Variants in ARHGAP20 observed in about 807,000 individuals in gnomAD.
The protein encoded by ARHGAP20 is rho GTPase-activating protein 20.
In ARHGAP20, 34 loss-of-function variants were observed where a neutral mutation model predicts 73.7. The observed-to-expected ratio is 0.46, with a 90% CI of 0.35 to 0.61. The LOEUF (loss-of-function observed/expected upper bound fraction) is 0.61, where lower values mean the gene tolerates loss of function less well. Ranked by LOEUF, ARHGAP20 falls within the 20% of genes least tolerant of loss-of-function variation. ARHGAP20 has a pLI of 0.00. For synonymous variants in ARHGAP20, 523 were observed against 518.2 expected (o/e 1.01, Z -0.13); for missense variants, 1,314 against 1,420.9 (o/e 0.92, Z 1.21).
At chr11:110,628,822 T>C (rs959353902) in intron 3 of ARHGAP20, among the ~76,000 whole-genome samples, 1 of 152,124 alleles carries the variant, frequency 6.6e-6, no homozygotes, top group African/African-American at 2.4e-5. Context: ...AAAAGTCAGC[T>C]ACAGAAGCAG....
In ARHGAP20 at chr11:110,577,465, T is replaced by TAACA. The variant is rs1006812665; in HGVS notation, c.*1901_*1904dup. Reference sequence around the variant, plus strand: ...ATTGGGTGAATGATTTTTTACCTGCTAACATGAAAAAAAAAAAAAAGGCAA... The same window carrying TAACA: ...ATTGGGTGAATGATTTTTTACCTGCTAACAAACATGAAAAAAAAAAAAAAGGCAA... On this transcript the variant is annotated 3_prime_UTR_variant, in exon 15 of 15. Coordinates refer to ENST00000683387, the MANE Select transcript of ARHGAP20 (RefSeq NM_001384657.1). 5.0e-6 allele frequency: 5 copies of TAACA among 997,716 alleles called. No homozygotes were observed. In the African/African-American group the frequency reaches 8.0e-5, roughly 16 times the overall value. The allele number at this position is 997,716 out of a possible 1,614,324, so 61.8% of individuals were successfully genotyped here.
chr11:110,582,494 T>C (rs1947500123), intron 13 of ARHGAP20, 59 bp from the exon 14 acceptor site: 3 of 1,134,592 alleles, frequency 2.6e-6, no homozygotes, highest in Admixed American at 1.9e-5. Context: ...ATAAATCACA[T>C]TTCATATATA....
At chr11:110,590,595 C>T in intron 11 of ARHGAP20, 53 bp downstream of exon 11, 4 of 1,482,144 alleles carry the variant, frequency 2.7e-6, no homozygotes, top group South Asian at 1.4e-5. Context: ...AGTAAAACAC[C>T]CTCTTTCTCT....
chr11:110,684,258 T>C (rs2135100975), intron 2 of ARHGAP20, among the ~76,000 whole-genome samples: 1 of 152,264 alleles, frequency 6.6e-6, no homozygotes, highest in African/African-American at 2.4e-5. Flanking sequence ...AGAGTATATA[T>C]ACAGAAGTCT....
intron 9 of ARHGAP20, among the ~76,000 whole-genome samples, chr11:110,596,164 C>G (rs879087035): frequency 6.6e-6 from 1 of 151,846 alleles, no homozygotes; most frequent in Admixed American, 6.6e-5. Flanking sequence ...TAAAGACTTA[C>G]ATGTTAGACC....
chr11:110,675,866 AAC>A (rs1308321552), intron 2 of ARHGAP20, among the ~76,000 whole-genome samples: 1 of 152,158 alleles, frequency 6.6e-6, no homozygotes, highest in African/African-American at 2.4e-5. Context: ...CCTTAATTAT[AAC>A]ACTTATAGTC....
Position 110,689,578 on chromosome 11 carries a change from C to T in ARHGAP20, c.188+969G>A, listed in dbSNP as rs1386501809. ...CAATTTCAACACATTATGAAAGACT[C>T]TTAAAATGTCTATTGAAATGTTACA... On this transcript the variant is annotated intron_variant, in intron 2 of 14. Transcript: ENST00000683387. Among the ~76,000 whole-genome samples, 4 of 152,068 alleles carry T rather than the reference C, an allele frequency of 2.6e-5. No homozygotes were observed. The East Asian group carries it at 5.8e-4, about 22-fold the overall frequency.
intron 2 of ARHGAP20, among the ~76,000 whole-genome samples, chr11:110,669,924 A>T (rs1949795445): frequency 6.6e-6 from 1 of 152,170 alleles, no homozygotes; most frequent in Admixed American, 6.5e-5. Context: ...CTACTAACAC[A>T]TAAAAGAAAT....
At chr11:110,657,301 A>G (rs548805821) in intron 2 of ARHGAP20, among the ~76,000 whole-genome samples, 3 of 152,324 alleles carry the variant, frequency 2.0e-5, no homozygotes, top group East Asian at 1.9e-4. Flanking sequence ...TGGAGTTATC[A>G]GGACAAGAGA....
intron 8 of ARHGAP20, among the ~76,000 whole-genome samples, chr11:110,607,149 G>T (rs1016716774): frequency 6.6e-6 from 1 of 152,026 alleles, no homozygotes; most frequent in Non-Finnish European, 1.5e-5. Flanking sequence ...TCAAATCTAT[G>T]ATTTAAAATA....
intron 2 of ARHGAP20, among the ~76,000 whole-genome samples, chr11:110,632,201 G>C (rs1034616945): frequency 6.6e-6 from 1 of 152,126 alleles, no homozygotes; most frequent in Non-Finnish European, 1.5e-5. Context: ...AAATACCTCA[G>C]AGTGGAATTG....
intron 9 of ARHGAP20, among the ~76,000 whole-genome samples, chr11:110,594,035 T>C (rs1947893380): frequency 6.6e-6 from 1 of 152,260 alleles, no homozygotes; most frequent in Non-Finnish European, 1.5e-5. Context: ...AGCAGTCTTG[T>C]CATTTCAGTG....
rs552121817 is a variant in ARHGAP20 at position 110,632,743 on chromosome 11, T to C, written c.189-1951A>G. On this transcript the variant is annotated intron_variant, in intron 2 of 14. Transcript: ENST00000683387. Reference sequence around the variant, plus strand: ...TAATTTGCATTTCTCTGCTAATTTCTTTCACGTTCTTACTGGCCATTTGCA... The same window carrying C: ...TAATTTGCATTTCTCTGCTAATTTCCTTCACGTTCTTACTGGCCATTTGCA... 2.6e-5 allele frequency among the ~76,000 whole-genome samples: 4 copies of C among 152,328 alleles called. No individual in the cohort carries two copies. The South Asian group carries it at 8.3e-4, about 32-fold the overall frequency.
chr11:110,672,547 C>T (rs980724793), intron 2 of ARHGAP20, among the ~76,000 whole-genome samples: 9 of 152,016 alleles, frequency 5.9e-5, no homozygotes, highest in Admixed American at 4.6e-4. Context: ...CATGTTCAAA[C>T]GATTCTCCCA....
At chr11:110,643,990 T>C (rs1949130342) in intron 2 of ARHGAP20, among the ~76,000 whole-genome samples, 1 of 152,118 alleles carries the variant, frequency 6.6e-6, no homozygotes, top group African/African-American at 2.4e-5. Context: ...TTGAACCCTT[T>C]ATCATTATAG....
At chr11:110,645,402 C>G (rs1406407793) in intron 2 of ARHGAP20, among the ~76,000 whole-genome samples, 1 of 152,074 alleles carries the variant, frequency 6.6e-6, no homozygotes, top group African/African-American at 2.4e-5. Flanking sequence ...ACATGCAAAT[C>G]AAAACCACAG....
chr11:110,683,787 TGAG>T (rs1950080502), intron 2 of ARHGAP20, among the ~76,000 whole-genome samples: 1 of 152,188 alleles, frequency 6.6e-6, no homozygotes, highest in Non-Finnish European at 1.5e-5. Context: ...ATAGTCTGAA[TGAG>T]AGCGATCATC....
chr11:110,647,666 A>G (rs2135001117), intron 2 of ARHGAP20, among the ~76,000 whole-genome samples: 1 of 152,302 alleles, frequency 6.6e-6, no homozygotes, highest in African/African-American at 2.4e-5. Flanking sequence ...AAAAAGATAA[A>G]AAATAGAAAT....
At chr11:110,695,041 A>C (rs1950310011) in intron 1 of ARHGAP20, among the ~76,000 whole-genome samples, 1 of 151,628 alleles carries the variant, frequency 6.6e-6, no homozygotes, top group Non-Finnish European at 1.5e-5. Context: ...TTTTGAACAT[A>C]GTGTTGACAC....
Sources: allele counts gnomAD v4.1 joint callset (sites outside exome capture counted in the v4.1 genomes callset), GRCh38; gene constraint gnomAD v4.1.1; transcripts MANE v1.5; gene names NCBI Gene and HGNC (gene_info 2026-07-23, HGNC 2026-07-21).